Variants in AGMO observed in about 807,000 individuals in gnomAD.
The protein encoded by AGMO is glyceryl-ether monooxygenase.
In AGMO, 75 loss-of-function variants were observed where a neutral mutation model predicts 60.2. The observed-to-expected ratio is 1.25, with a 90% CI of 1.03 to 1.51. The LOEUF (loss-of-function observed/expected upper bound fraction) is 1.51, where lower values mean the gene tolerates loss of function less well. Among genes scored for constraint, AGMO ranks in the 40% most tolerant of loss-of-function variants. AGMO has a pLI of 0.00. For synonymous variants in AGMO, 261 were observed against 177.1 expected (o/e 1.47, Z -3.76); for missense variants, 763 against 525.5 (o/e 1.45, Z -4.42).
intron 3 of AGMO, among the ~76,000 whole-genome samples, chr7:15,493,816 T>G (rs1338514798): frequency 6.6e-6 from 1 of 152,178 alleles, no homozygotes; most frequent in African/African-American, 2.4e-5. Flanking sequence ...CAGGGCATGG[T>G]TTGACAGACC....
intron 12 of AGMO, among the ~76,000 whole-genome samples, chr7:15,301,356 G>A (rs1026466282): frequency 3.3e-5 from 5 of 151,884 alleles, no homozygotes; most frequent in African/African-American, 4.8e-5. Context: ...GAAGAATCAC[G>A]TGAACCCAGA....
chr7:15,476,040 T>G (rs1283393971), intron 3 of AGMO, among the ~76,000 whole-genome samples: 2 of 152,044 alleles, frequency 1.3e-5, no homozygotes, highest in African/African-American at 2.4e-5. Context: ...TGGTTTAAAT[T>G]GGACTCAAGA....
intron 12 of AGMO, among the ~76,000 whole-genome samples, chr7:15,322,477 TATATATATAAATATATATAA>T (rs1266121516): frequency 1.4e-4 from 11 of 79,712 alleles, no homozygotes; most frequent in African/African-American, 3.3e-4. Flanking sequence ...AATATATAAA[TATATATATAAATATATATAA>T]ATATATAAAT....
the AGMO span, among the ~76,000 whole-genome samples, chr7:15,190,733 CAG>C: frequency 3.9e-5 from 6 of 152,074 alleles, no homozygotes; most frequent in Non-Finnish European, 8.8e-5. Context: ...CTGATCAAAA[CAG>C]AAAGAGTTTT....
chr7:15,155,669 G>A, the AGMO span, among the ~76,000 whole-genome samples: 6 of 152,032 alleles, frequency 3.9e-5, no homozygotes, highest in Admixed American at 2.0e-4. Flanking sequence ...AACCATTGCC[G>A]GGGAGATAGT....
In AGMO at chr7:15,302,691, A is replaced by G. The variant is rs529776932; in HGVS notation, c.1263+62823T>C. On this transcript the variant is annotated intron_variant, in intron 12 of 12. Coordinates refer to ENST00000342526, the MANE Select transcript of AGMO (RefSeq NM_001004320.2). Reference sequence around the variant, plus strand: ...GTTTTCAATTTAAAAGTCTATTTTCACTAGACTGTAAACTCCATGAAGAGA... The same window carrying G: ...GTTTTCAATTTAAAAGTCTATTTTCGCTAGACTGTAAACTCCATGAAGAGA... 8.5e-5 allele frequency among the ~76,000 whole-genome samples: 13 copies of G among 152,314 alleles called. No homozygotes were observed. In the South Asian group the frequency reaches 2.7e-3, roughly 32 times the overall value.
At chr7:15,318,972 T>C (rs1583401816) in intron 12 of AGMO, among the ~76,000 whole-genome samples, 2 of 152,168 alleles carry the variant, frequency 1.3e-5, no homozygotes, top group African/African-American at 4.8e-5. Context: ...CATCTTGAAA[T>C]GCTATCTCCC....
chr7:15,396,947 G>A (rs1562486650), intron 5 of AGMO, among the ~76,000 whole-genome samples: 1 of 152,094 alleles, frequency 6.6e-6, no homozygotes, highest in East Asian at 1.9e-4. Flanking sequence ...ATTAGTTAGC[G>A]ACTGAGTGCT....
chr7:15,209,326 T>G (rs1425066395), intron 12 of AGMO, among the ~76,000 whole-genome samples: 1 of 152,126 alleles, frequency 6.6e-6, no homozygotes, highest in Non-Finnish European at 1.5e-5. Context: ...ATTTTTAGTG[T>G]GCTGTTAAAC....
chr7:15,200,072 T>C (rs1426967500), downstream of AGMO, among the ~76,000 whole-genome samples: 1 of 152,188 alleles, frequency 6.6e-6, no homozygotes, highest in Non-Finnish European at 1.5e-5. Context: ...CAAAGCTCAA[T>C]GAAGAACAGC....
intron 12 of AGMO, among the ~76,000 whole-genome samples, chr7:15,299,968 T>C (rs1485659147): frequency 1.3e-5 from 2 of 150,906 alleles, no homozygotes; most frequent in East Asian, 3.9e-4. Flanking sequence ...GGGCAAATAG[T>C]TACAGAGGGA....
At chr7:15,502,879 G>C (rs764122151) in intron 3 of AGMO, among the ~76,000 whole-genome samples, 6 of 151,980 alleles carry the variant, frequency 3.9e-5, no homozygotes, top group Non-Finnish European at 7.4e-5. Flanking sequence ...TCAAATTGCA[G>C]TTCCATCCTG....
chr7:15,366,711 GA>G (rs1782998609), intron 10 of AGMO, among the ~76,000 whole-genome samples: 1 of 151,950 alleles, frequency 6.6e-6, no homozygotes, highest in African/African-American at 2.4e-5. Flanking sequence ...ACTCATATTT[GA>G]TTCAATCTAC....
intron 5 of AGMO, among the ~76,000 whole-genome samples, chr7:15,407,036 C>T (rs1415925801): frequency 7.1e-6 from 1 of 141,458 alleles, no homozygotes; most frequent in South Asian, 2.2e-4. Context: ...TATGTATATA[C>T]ACACATATAT....
At chr7:15,458,737 G>C (rs1782058690) in intron 3 of AGMO, among the ~76,000 whole-genome samples, 1 of 151,994 alleles carries the variant, frequency 6.6e-6, no homozygotes, top group Non-Finnish European at 1.5e-5. Context: ...CTTTATCTAA[G>C]AGAAAACTGA....
intron 3 of AGMO, among the ~76,000 whole-genome samples, chr7:15,474,760 A>C (rs1283189895): frequency 1.3e-5 from 2 of 152,162 alleles, no homozygotes; most frequent in African/African-American, 2.4e-5. Context: ...GTGAACAGAC[A>C]ACCTACAGAA....
intron 12 of AGMO, among the ~76,000 whole-genome samples, chr7:15,343,972 C>A (rs1346332364): frequency 2.0e-5 from 3 of 152,000 alleles, no homozygotes; most frequent in Non-Finnish European, 4.4e-5. Flanking sequence ...CTTTAACTAT[C>A]CATAAAACTA....
chr7:15,118,940 A>T, the AGMO span, among the ~76,000 whole-genome samples: 11 of 127,318 alleles, frequency 8.6e-5, no homozygotes, highest in East Asian at 1.8e-3. Flanking sequence ...CTCTGTTGCC[A>T]GGCTGGAGTG....
chr7:15,326,343 AG>A (rs1355804486), intron 12 of AGMO, among the ~76,000 whole-genome samples: 2 of 152,178 alleles, frequency 1.3e-5, no homozygotes, highest in Non-Finnish European at 2.9e-5. Flanking sequence ...AAGGGATGAT[AG>A]GTGTTTTTTA....
Sources: gnomAD v4.1 joint callset for allele counts (sites outside exome capture counted in the v4.1 genomes callset) on GRCh38, gnomAD v4.1.1 for gene constraint, MANE v1.5 for transcripts, NCBI Gene and HGNC (gene_info 2026-07-23, HGNC 2026-07-21) for gene names.